The following RPS11 variants were observed in gnomAD, a reference collection of about 807,000 sequenced individuals.
The protein encoded by RPS11 is small ribosomal subunit protein uS17.
For synonymous variants in RPS11, 107 were observed against 78.0 expected (o/e 1.37, Z -1.96); for missense variants, 127 against 211.4 (o/e 0.60, Z 2.48).
In RPS11 at chr19:49,497,180, C is replaced by G; in HGVS notation, c.16-14C>G. 6.2e-7 allele frequency: 1 copy of G among 1,611,568 alleles called. No individual in the cohort carries two copies. Among genetic ancestry groups the G allele is most frequent in the Non-Finnish European group, 8.5e-7 (1 of 1,179,918 alleles). The stretch of plus-strand genomic sequence containing the variant: ...AACTTAGCAGCTCATCAGTTTTCTC[C>G]TCATAATCTGTAGACTGAGCGTGCC... On this transcript the variant is annotated splice_polypyrimidine_tract_variant and intron_variant, in intron 1 of 4. Coordinates refer to ENST00000270625, the MANE Select transcript of RPS11 (RefSeq NM_001015.5).
At chr19:49,498,132 G>A (rs1439085271) in intron 4 of RPS11, 86 bp downstream of exon 4, 3 of 1,461,834 alleles carry the variant, frequency 2.1e-6, no homozygotes, top group Non-Finnish European at 2.9e-6. Context: ...GCCAACTGAG[G>A]GAGGGAAAGA....
In RPS11 at chr19:49,496,634, A is replaced by G. The variant is rs2079907777; in HGVS notation, c.15+163A>G. The G allele has an allele frequency of 1.5e-5, 11 of 715,310 alleles. 1 individual carries two copies. The highest frequency in any genetic ancestry group is 8.7e-5 in the Admixed American group (3 of 34,324). 44.3% of individuals were successfully genotyped at this position (715,310 alleles called of 1,614,324 possible). On this transcript the variant is annotated intron_variant, in intron 1 of 4. Coordinates refer to ENST00000270625, the MANE Select transcript of RPS11 (RefSeq NM_001015.5). ...GTGGAGGGCGCTTGCTTTTGTTTCTAGATGAGTGCTTCCTAATTCCTGGGG... is the reference window on the plus strand; with the variant it reads ...GTGGAGGGCGCTTGCTTTTGTTTCTGGATGAGTGCTTCCTAATTCCTGGGG...
chr19:49,497,205 C>A lies in RPS11; in HGVS notation c.27C>A (p.Ala9=). 6.2e-7 allele frequency: 1 copy of A among 1,613,910 alleles called. No homozygotes were observed. The highest frequency in any genetic ancestry group is 8.5e-7 in the Non-Finnish European group (1 of 1,180,010). The part of the protein sequence containing the change: MADIQTER[A]YQKQPTIFQN... Reference sequence around the variant, plus strand: ...CTCATAATCTGTAGACTGAGCGTGCCTACCAAAAGCAGCCGACCATCTTTC... The same window carrying A: ...CTCATAATCTGTAGACTGAGCGTGCATACCAAAAGCAGCCGACCATCTTTC... The change falls in exon 2 of 5, where the codon GCC becomes GCA. Residue 9 remains alanine (A), a synonymous_variant. Coordinates refer to ENST00000270625, the MANE Select transcript of RPS11 (RefSeq NM_001015.5).
Position 49,497,528 on chromosome 19 carries a change from G to A in RPS11, c.156G>A (p.Glu52=), listed in dbSNP as rs1363871522. The A allele has an allele frequency of 1.2e-6, 2 of 1,613,768 alleles. No individual in the cohort carries two copies. Among genetic ancestry groups the A allele is most frequent in the Non-Finnish European group, 1.7e-6 (2 of 1,179,850 alleles). ...CTTTCCTATCCTTTCAGGCTATTGA[G>A]GGCACCTACATTGACAAGAAATGCC... ...LGFKTPKEAI[E]GTYIDKKCPF... Residue 52 remains glutamate, a synonymous_variant, in exon 3 of 5, where the codon GAG becomes GAA. Transcript: ENST00000270625.
Position 49,496,477 on chromosome 19 carries a change from G to A in RPS11, c.15+6G>A, listed in dbSNP as rs187868090. On this transcript the variant is annotated splice_donor_region_variant and intron_variant, in intron 1 of 4. Transcript: ENST00000270625. ...GGAAGATGGCGGACATTCAGGTGCG[G>A]ACTCGGGGTTGGATGCCAGGGTGCG... is the stretch of plus-strand genomic sequence containing the variant. The A allele has an allele frequency of 1.1e-5, 18 of 1,610,882 alleles. No individual in the cohort carries two copies. In the East Asian group the frequency reaches 3.8e-4, roughly 34 times the overall value.
At chr19:49,497,113 G>A (rs2079910275) in intron 1 of RPS11, 81 bp from the exon 2 acceptor site, 2 of 1,533,406 alleles carry the variant, frequency 1.3e-6, no homozygotes, top group African/African-American at 1.4e-5. Flanking sequence ...GGGTCTGGGA[G>A]GTTCTGGGAA....
chr19:49,497,599 A>G lies in RPS11; in HGVS notation c.223+4A>G, dbSNP rs2042073495. 6.2e-7 allele frequency: 1 copy of G among 1,612,936 alleles called. No individual in the cohort carries two copies. The highest frequency in any genetic ancestry group is 8.5e-7 in the Non-Finnish European group (1 of 1,178,934). ...ATTCGAGGGCGGATCCTCTCTGGTA[A>G]GTGCGGGAGTTACTGGTGTCTGGGG... On this transcript the variant is annotated splice_donor_region_variant and intron_variant, in intron 3 of 4. Coordinates refer to ENST00000270625, the MANE Select transcript of RPS11 (RefSeq NM_001015.5).
chr19:49,497,335 A>T lies in RPS11; in HGVS notation c.147+10A>T. 2 of 1,613,822 alleles carry T rather than the reference A, an allele frequency of 1.2e-6. No homozygotes were observed. Among genetic ancestry groups the T allele is most frequent in the Non-Finnish European group, 1.7e-6 (2 of 1,179,844 alleles). On this transcript the variant is annotated intron_variant, in intron 2 of 4. Coordinates refer to ENST00000270625, the MANE Select transcript of RPS11 (RefSeq NM_001015.5). ...CAAGACACCCAAGGAGGTGCGGGGAACCTCAGAAGAAAGAAGGGGAACCTG... is the reference window on the plus strand; with the variant it reads ...CAAGACACCCAAGGAGGTGCGGGGATCCTCAGAAGAAAGAAGGGGAACCTG...
At chr19:49,498,082 GCT>G in intron 4 of RPS11, 36 bp downstream of exon 4, 4 of 1,610,032 alleles carry the variant, frequency 2.5e-6, no homozygotes, top group Non-Finnish European at 2.5e-6. Flanking sequence ...CTCAGGCCAC[GCT>G]CTCTCAGCCT....
At chr19:49,499,429 T>G in intron 4 of RPS11, 83 bp from the exon 5 acceptor site, 2 of 1,489,654 alleles carry the variant, frequency 1.3e-6, no homozygotes, top group Non-Finnish European at 1.8e-6. Context: ...AGAGAGCCTT[T>G]AGCCTGGTGA....
intron 1 of RPS11, among the ~76,000 whole-genome samples, chr19:49,496,728 T>C (rs2079908236): frequency 6.6e-6 from 1 of 152,070 alleles, no homozygotes; most frequent in Non-Finnish European, 1.5e-5. Flanking sequence ...TTAAGAAGGT[T>C]TTTTTGGAGT....
In RPS11 at chr19:49,497,928, A is replaced by C. The variant is rs1601173369; in HGVS notation, c.235A>C (p.Lys79Gln). Residue 79 changes from lysine (K) to glutamine (Q), a missense_variant, in exon 4 of 5, where the codon AAG becomes CAG. Transcript: ENST00000270625. ...RGRILSGVVTKMKMQRTIVIR... is the reference protein window; with the variant it reads ...RGRILSGVVTQMKMQRTIVIR... The stretch of plus-strand genomic sequence containing the variant: ...GCCCCCGCTCCTAGGCGTGGTGACC[A>C]AGATGAAGATGCAGAGGACCATTGT... 6.2e-7 allele frequency: 1 copy of C among 1,614,136 alleles called. No homozygotes were observed.
rs145559297 is a variant in RPS11 at position 49,499,524 on chromosome 19, C to A, written c.366C>A (p.Ile122=). The change falls in exon 5 of 5, where the codon ATC becomes ATA. Residue 122 remains isoleucine (I), a synonymous_variant. Transcript: ENST00000270625. ...CCTGCCTCCACAGGGACGTCCAGAT[C>A]GGTGACATCGTCACAGTGGGCGAGT... The part of the protein sequence containing the change: ...HLSPCFRDVQ[I]GDIVTVGECR... 1 of 1,613,396 alleles carries A rather than the reference C, an allele frequency of 6.2e-7. No individual in the cohort carries two copies. The highest frequency in any genetic ancestry group is 1.3e-5 in the African/African-American group (1 of 74,876).
intron 4 of RPS11, 22 bp from the exon 5 acceptor site, chr19:49,499,490 A>G: frequency 6.2e-7 from 1 of 1,609,644 alleles, no homozygotes; most frequent in South Asian, 1.1e-5. Context: ...TCCTGAGGAC[A>G]TGGCCCTACC....
At chr19:49,496,521 A>AGGGGCGCGTCCGGGAGGGC in intron 1 of RPS11, 50 bp downstream of exon 1, 1 of 1,564,306 alleles carries the variant, frequency 6.4e-7, no homozygotes. Context: ...CTTGGCCTTC[A>AGGGGCGCGTCCGGGAGGGC]GGGGCGCGTC....
At position 49,497,901 on chromosome 19, in the gene RPS11, C is replaced by T. The variant is rs375562132; in HGVS notation, c.224-16C>T. 27 of 1,613,946 alleles carry T rather than the reference C, an allele frequency of 1.7e-5. No homozygotes were observed. Among genetic ancestry groups the T allele is most frequent in the Admixed American group, 8.3e-5 (5 of 60,004 alleles). On this transcript the variant is annotated splice_polypyrimidine_tract_variant and intron_variant, in intron 3 of 4. Coordinates refer to ENST00000270625, the MANE Select transcript of RPS11 (RefSeq NM_001015.5). Reference sequence around the variant, plus strand: ...TTTCCCATGGGACCTGACCTATGATCGGCCCCCGCTCCTAGGCGTGGTGAC... The same window carrying T: ...TTTCCCATGGGACCTGACCTATGATTGGCCCCCGCTCCTAGGCGTGGTGAC...
intron 4 of RPS11, among the ~76,000 whole-genome samples, chr19:49,498,637 G>A (rs147795321): frequency 6.6e-6 from 1 of 152,240 alleles, no homozygotes; most frequent in East Asian, 1.9e-4. Flanking sequence ...GTAGTCTCAG[G>A]TCTTCAGGCG....
intron 4 of RPS11, 100 bp downstream of exon 4, chr19:49,498,146 AG>A (rs1568692645): frequency 7.5e-7 from 1 of 1,332,334 alleles, no homozygotes; most frequent in Non-Finnish European, 1.1e-6. Context: ...GGAAAGACTG[AG>A]GTGGCATCTC....
chr19:49,498,310 C>G (rs543329324), intron 4 of RPS11: 91 of 485,106 alleles, frequency 1.9e-4, no homozygotes, highest in Non-Finnish European at 3.2e-4. Context: ...TGACATAGGT[C>G]TAAACAAGAA....
Sources: gnomAD v4.1 joint callset for allele counts (sites outside exome capture counted in the v4.1 genomes callset) on GRCh38, gnomAD v4.1.1 for gene constraint, MANE v1.5 for transcripts, NCBI Gene and HGNC (gene_info 2026-07-23, HGNC 2026-07-21) for gene names.